PPM1H: variants seen among roughly 807,000 people sequenced by gnomAD.
The protein encoded by PPM1H is protein phosphatase 1H.
A neutral mutation model predicts 54.9 loss-of-function variants in PPM1H; 27 were observed. The ratio of observed to expected loss-of-function variants is 0.49; its 90% CI spans 0.36 to 0.68. PPM1H has a LOEUF of 0.68. Among genes scored for constraint, PPM1H ranks in the 30% least tolerant of loss-of-function variants. The pLI is 0.00. For synonymous variants in PPM1H, 305 were observed against 270.8 expected (o/e 1.13, Z -1.24); for missense variants, 596 against 667.8 (o/e 0.89, Z 1.19).
chr12:62,909,962 A>G (rs569165045), intron 1 of PPM1H, among the ~76,000 whole-genome samples: 1 of 152,322 alleles, frequency 6.6e-6, no homozygotes, highest in Admixed American at 6.5e-5. Context: ...AAGATTACGG[A>G]GGTTTTAATA....
chr12:62,710,537 TAAAAAA>T (rs35445574), intron 6 of PPM1H, among the ~76,000 whole-genome samples: 1 of 130,242 alleles, frequency 7.7e-6, no homozygotes, highest in Non-Finnish European at 1.6e-5. Flanking sequence ...ACTGTCTCTT[TAAAAAA>T]AAAAAAAAAA....
intron 1 of PPM1H, among the ~76,000 whole-genome samples, chr12:62,917,405 A>G (rs551399363): frequency 1.3e-5 from 2 of 152,332 alleles, no homozygotes; most frequent in South Asian, 4.1e-4. Context: ...AAGGGTCAGT[A>G]AGAGCTTTCA....
chr12:62,778,411 G>C (rs2076623271), intron 4 of PPM1H, among the ~76,000 whole-genome samples: 1 of 152,138 alleles, frequency 6.6e-6, no homozygotes, highest in Non-Finnish European at 1.5e-5. Context: ...AATGTTGTGT[G>C]TCTCTACCAG....
intron 1 of PPM1H, among the ~76,000 whole-genome samples, chr12:62,894,091 G>A (rs2121091618): frequency 6.6e-6 from 1 of 152,246 alleles, no homozygotes; most frequent in South Asian, 2.1e-4. Context: ...CCACCTAAGC[G>A]ACTCCTGACA....
intron 6 of PPM1H, among the ~76,000 whole-genome samples, chr12:62,695,006 A>G (rs1259647766): frequency 6.6e-6 from 1 of 152,222 alleles, no homozygotes; most frequent in Non-Finnish European, 1.5e-5. Context: ...AGGTGCTATA[A>G]GTAGATGCTT....
intron 2 of PPM1H, among the ~76,000 whole-genome samples, chr12:62,831,095 C>T (rs145548467): frequency 3.3e-5 from 5 of 151,878 alleles, no homozygotes; most frequent in East Asian, 2.0e-4. Flanking sequence ...CCTCATGATC[C>T]GCCTGTCTCG....
chr12:62,828,503 C>T (rs1452687744), intron 2 of PPM1H, among the ~76,000 whole-genome samples: 2 of 152,180 alleles, frequency 1.3e-5, no homozygotes, highest in African/African-American at 2.4e-5. Flanking sequence ...CATTAACTAC[C>T]CCGGCACCCT....
chr12:62,906,416 T>C (rs933882501), intron 1 of PPM1H, among the ~76,000 whole-genome samples: 2 of 152,228 alleles, frequency 1.3e-5, no homozygotes, highest in Non-Finnish European at 2.9e-5. Flanking sequence ...AGAATCAACA[T>C]TGCAGTTTAA....
intron 1 of PPM1H, among the ~76,000 whole-genome samples, chr12:62,898,244 C>CTGTT (rs1871056510): frequency 6.6e-6 from 1 of 152,164 alleles, no homozygotes; most frequent in African/African-American, 2.4e-5. Flanking sequence ...AGGGTGAACT[C>CTGTT]TGTTTTTTCT....
chr12:62,798,433 A>AT (rs964782832), intron 3 of PPM1H, among the ~76,000 whole-genome samples: 4 of 152,078 alleles, frequency 2.6e-5, no homozygotes, highest in African/African-American at 9.7e-5. Context: ...TTTCAGCTTA[A>AT]TTTTTTTTCC....
chr12:62,703,811 C>T (rs2076157558), intron 6 of PPM1H, among the ~76,000 whole-genome samples: 3 of 152,190 alleles, frequency 2.0e-5, no homozygotes, highest in South Asian at 4.1e-4. Flanking sequence ...TTGGCAACCA[C>T]CTCGTGCTTC....
chr12:62,747,223 G>A (rs935552128), intron 4 of PPM1H, among the ~76,000 whole-genome samples: 2 of 150,998 alleles, frequency 1.3e-5, no homozygotes, highest in South Asian at 4.2e-4. Flanking sequence ...TGCAACCTCC[G>A]CCTCCCAGGT....
chr12:62,671,369 C>T (rs554662757), intron 8 of PPM1H, among the ~76,000 whole-genome samples: 14 of 152,138 alleles, frequency 9.2e-5, no homozygotes, highest in African/African-American at 3.4e-4. Context: ...CCAGACGAAT[C>T]CTTGAGATTC....
At chr12:62,906,773 T>C (rs905414700) in intron 1 of PPM1H, among the ~76,000 whole-genome samples, 7 of 152,236 alleles carry the variant, frequency 4.6e-5, no homozygotes, top group Non-Finnish European at 8.8e-5. Context: ...AGTTCTTCCG[T>C]ATTAAAAGTA....
At chr12:62,815,291 T>C (rs1484482817) in intron 2 of PPM1H, among the ~76,000 whole-genome samples, 2 of 152,284 alleles carry the variant, frequency 1.3e-5, no homozygotes, top group African/African-American at 4.8e-5. Flanking sequence ...TCTCAGGATA[T>C]GACAATATGA....
chr12:62,845,614 T>C (rs1001970929), intron 1 of PPM1H, among the ~76,000 whole-genome samples: 1 of 152,208 alleles, frequency 6.6e-6, no homozygotes, highest in African/African-American at 2.4e-5. Flanking sequence ...CAAGTGCTGC[T>C]GTTCCTTGGG....
chr12:62,830,651 C>CT (rs1868343305), intron 2 of PPM1H, among the ~76,000 whole-genome samples: 1 of 152,216 alleles, frequency 6.6e-6, no homozygotes. Flanking sequence ...CATCTCACTC[C>CT]AGGGCCTGGG....
rs1025154789 is a variant in PPM1H at position 62,666,953 on chromosome 12, T to C, written c.1397+225A>G. ...GGTCTAGAACTCCTGACCTCATGAT[T>C]CACCCGCCTTGGCCCCCCAAAGTGC... On this transcript the variant is annotated intron_variant, in intron 9 of 9. Transcript: ENST00000228705. Among the ~76,000 whole-genome samples the C allele has an allele frequency of 5.7e-4, 87 of 152,228 alleles. 1 individual carries two copies. Among genetic ancestry groups the C allele is most frequent in the Admixed American group, 1.8e-3 (27 of 15,294 alleles).
chr12:62,849,058 G>C (rs1054696362), intron 1 of PPM1H, among the ~76,000 whole-genome samples: 1 of 152,146 alleles, frequency 6.6e-6, no homozygotes, highest in African/African-American at 2.4e-5. Flanking sequence ...GGAAATGGTT[G>C]GGAATAGAAA....
Sources: gnomAD v4.1 joint callset for allele counts (sites outside exome capture counted in the v4.1 genomes callset) on GRCh38, gnomAD v4.1.1 for gene constraint, MANE v1.5 for transcripts, NCBI Gene and HGNC (gene_info 2026-07-23, HGNC 2026-07-21) for gene names.